ARMC2: variants seen among roughly 807,000 people sequenced by gnomAD.
ARMC2 encodes the protein armadillo repeat-containing protein 2.
A neutral mutation model predicts 90.3 loss-of-function variants in ARMC2; 67 were observed. The observed-to-expected ratio is 0.74, with a 90% CI of 0.61 to 0.91. ARMC2 has a LOEUF of 0.91. Among genes scored for constraint, ARMC2 ranks in the 40% least tolerant of loss-of-function variants. ARMC2 has a pLI of 0.00. For synonymous variants in ARMC2, 393 were observed against 393.0 expected (o/e 1.00, Z 0.00); for missense variants, 920 against 1,030.9 (o/e 0.89, Z 1.47).
chr6:108,853,972 GTCTT>G (rs1694195395), intron 1 of ARMC2, among the ~76,000 whole-genome samples: 2 of 152,172 alleles, frequency 1.3e-5, no homozygotes, highest in South Asian at 4.2e-4. Context: ...TTCATGATTA[GTCTT>G]TCTCTCTGGG....
At chr6:109,011,154 G>A in the ARMC2 span, among the ~76,000 whole-genome samples, 3 of 152,190 alleles carry the variant, frequency 2.0e-5, no homozygotes, top group Non-Finnish European at 4.4e-5. Context: ...TTTCTAATGA[G>A]AGGCAAGGGA....
chr6:108,892,779 G>A (rs1771216296), intron 5 of ARMC2, among the ~76,000 whole-genome samples: 1 of 150,840 alleles, frequency 6.6e-6, no homozygotes, highest in Non-Finnish European at 1.5e-5. Context: ...AAAAAAAAAG[G>A]TGGGGGGAAC....
the ARMC2 span, among the ~76,000 whole-genome samples, chr6:109,032,854 A>T: frequency 7.2e-3 from 1,099 of 152,250 alleles, 5 homozygotes; most frequent in Non-Finnish European, 0.011. Context: ...AATAGGCTGT[A>T]GTTTTTTAAA....
intron 7 of ARMC2, among the ~76,000 whole-genome samples, chr6:108,901,145 G>A (rs1772104995): frequency 9.8e-6 from 1 of 101,702 alleles, no homozygotes; most frequent in Admixed American, 1.5e-4. Flanking sequence ...TGAGACAGTC[G>A]CTCTGTCACT....
intron 12 of ARMC2, among the ~76,000 whole-genome samples, chr6:108,950,965 A>G (rs1056209785): frequency 3.9e-5 from 6 of 152,132 alleles, no homozygotes; most frequent in Non-Finnish European, 7.4e-5. Context: ...TGTGCCACTG[A>G]GTTTATTGCT....
the ARMC2 span, among the ~76,000 whole-genome samples, chr6:109,044,761 C>T: frequency 1.3e-5 from 2 of 152,006 alleles, no homozygotes; most frequent in Non-Finnish European, 1.5e-5. Flanking sequence ...CAGTGGCTCA[C>T]GCCTGTAATC....
chr6:108,854,838 A>G (rs1272790987), intron 2 of ARMC2, among the ~76,000 whole-genome samples: 1 of 152,206 alleles, frequency 6.6e-6, no homozygotes, highest in Non-Finnish European at 1.5e-5. Context: ...AACCACTATT[A>G]TAGTATTATA....
chr6:109,008,875 G>A, the ARMC2 span: 2 of 985,922 alleles, frequency 2.0e-6, no homozygotes, highest in South Asian at 4.7e-5. Context: ...TGAGTCAAAT[G>A]TGTTTTTTTT....
At chr6:109,035,594 T>G in the ARMC2 span, among the ~76,000 whole-genome samples, 1 of 151,878 alleles carries the variant, frequency 6.6e-6, no homozygotes, top group Non-Finnish European at 1.5e-5. Context: ...TGACTCTTAC[T>G]GGGCTTCATG....
chr6:108,867,434 A>G (rs1481337759), intron 3 of ARMC2, among the ~76,000 whole-genome samples: 2 of 152,160 alleles, frequency 1.3e-5, no homozygotes, highest in South Asian at 2.1e-4. Flanking sequence ...GGGGGAAAAA[A>G]TAGGGAGTAT....
chr6:108,975,610 C>T (rs1583247747), downstream of ARMC2, among the ~76,000 whole-genome samples: 1 of 152,204 alleles, frequency 6.6e-6, no homozygotes, highest in African/African-American at 2.4e-5. Flanking sequence ...AACTAATTTA[C>T]ACTCCCACCA....
chr6:108,949,900 C>G (rs1275662022), intron 12 of ARMC2, among the ~76,000 whole-genome samples: 1 of 152,196 alleles, frequency 6.6e-6, no homozygotes, highest in Non-Finnish European at 1.5e-5. Flanking sequence ...CTCTCTCAAA[C>G]TAATCCTCTT....
chr6:108,931,193 C>T (rs530091880), intron 11 of ARMC2, among the ~76,000 whole-genome samples: 11 of 151,920 alleles, frequency 7.2e-5, no homozygotes, highest in South Asian at 2.1e-4. Flanking sequence ...TATTTTCCTG[C>T]GCTAGTTTGC....
rs528934506 is a variant in ARMC2 at position 108,934,153 on chromosome 6, G to A, written c.1497-2747G>A. On this transcript the variant is annotated intron_variant, in intron 11 of 17. Transcript: ENST00000392644. Reference sequence around the variant, plus strand: ...CTGGATTACAGGCGTGAGCCACCTCGCCTGGCATCAGTACCTAGTTTATTG... The same window carrying A: ...CTGGATTACAGGCGTGAGCCACCTCACCTGGCATCAGTACCTAGTTTATTG... Among the ~76,000 whole-genome samples the A allele has an allele frequency of 2.0e-5, 3 of 152,250 alleles. No individual in the cohort carries two copies. In the East Asian group the frequency reaches 5.8e-4, roughly 29 times the overall value.
chr6:108,897,038 T>A (rs764559710), intron 6 of ARMC2, among the ~76,000 whole-genome samples: 2 of 152,238 alleles, frequency 1.3e-5, no homozygotes, highest in African/African-American at 2.4e-5. Context: ...ACTTGAATAT[T>A]CATGTTTACT....
chr6:108,894,424 G>A, intron 5 of ARMC2, 43 bp from the exon 6 acceptor site: 5 of 1,522,716 alleles, frequency 3.3e-6, no homozygotes, highest in Non-Finnish European at 4.5e-6. Context: ...AAAATTAGAA[G>A]TGTTTTCATG....
chr6:108,904,174 A>C, intron 7 of ARMC2, 56 bp from the exon 8 acceptor site: 1 of 1,575,434 alleles, frequency 6.3e-7, no homozygotes, highest in South Asian at 1.2e-5. Flanking sequence ...TGTTTGACAC[A>C]CTTGGAAACT....
chr6:108,997,655 C>T, the ARMC2 span, among the ~76,000 whole-genome samples: 187 of 152,278 alleles, frequency 1.2e-3, 1 homozygote, highest in African/African-American at 4.0e-3. Flanking sequence ...AACTGAGATT[C>T]AGTAACTTGC....
chr6:109,048,465 T>C, the ARMC2 span, among the ~76,000 whole-genome samples: 1 of 152,206 alleles, frequency 6.6e-6, no homozygotes, highest in Non-Finnish European at 1.5e-5. Context: ...ACCAAGGCTG[T>C]GCTCTGAAAA....
Sources: allele counts gnomAD v4.1 joint callset (sites outside exome capture counted in the v4.1 genomes callset), GRCh38; gene constraint gnomAD v4.1.1; transcripts MANE v1.5; gene names NCBI Gene and HGNC (gene_info 2026-07-23, HGNC 2026-07-21).